FAT3: variants seen among roughly 807,000 people sequenced by gnomAD.
FAT3 encodes the protein protocadherin Fat 3.
In FAT3, 95 loss-of-function variants were observed where a neutral mutation model predicts 310.2. The ratio of observed to expected loss-of-function variants is 0.31; its 90% CI spans 0.26 to 0.36. The LOEUF is 0.36. Ranked by LOEUF, FAT3 falls within the 10% of genes least tolerant of loss-of-function variation. FAT3 has a pLI of 1.00. For synonymous variants in FAT3, 2,314 were observed against 2,192.9 expected (o/e 1.06, Z -1.54); for missense variants, 5,408 against 5,715.6 (o/e 0.95, Z 1.74).
chr11:92,847,353 A>G (rs1486407243), intron 19 of FAT3, among the ~76,000 whole-genome samples: 4 of 152,224 alleles, frequency 2.6e-5, no homozygotes, highest in Admixed American at 6.5e-5. Context: ...TAGGAGCCAT[A>G]GGCTGTACCA....
At chr11:92,439,313 C>T (rs1413026457) in intron 2 of FAT3, among the ~76,000 whole-genome samples, 1 of 152,088 alleles carries the variant, frequency 6.6e-6, no homozygotes, top group Non-Finnish European at 1.5e-5. Context: ...CTCTCATATG[C>T]CATGTCTTAT....
At chr11:92,568,142 A>G (rs531239593) in intron 3 of FAT3, among the ~76,000 whole-genome samples, 47 of 152,314 alleles carry the variant, frequency 3.1e-4, no homozygotes, top group African/African-American at 1.1e-3. Flanking sequence ...GAATATACCA[A>G]GGAACAAATC....
chr11:92,428,502 T>C (rs1397890794), intron 2 of FAT3, among the ~76,000 whole-genome samples: 1 of 152,192 alleles, frequency 6.6e-6, no homozygotes, highest in Non-Finnish European at 1.5e-5. Flanking sequence ...TCTTCTGCAC[T>C]TTCTCCTGTG....
intron 1 of FAT3, among the ~76,000 whole-genome samples, chr11:92,284,761 G>A (rs967755194): frequency 2.6e-5 from 4 of 152,088 alleles, no homozygotes; most frequent in South Asian, 2.1e-4. Flanking sequence ...CATAGTGCCC[G>A]GGGAATGCTG....
chr11:92,352,002 T>A, intron 1 of FAT3, 94 bp from the exon 2 acceptor site: 1 of 835,750 alleles, frequency 1.2e-6, no homozygotes. Flanking sequence ...TGATAAAGTT[T>A]TAAAAAGCAT....
intron 3 of FAT3, among the ~76,000 whole-genome samples, chr11:92,653,419 G>A (rs507429): frequency 0.57 from 87,191 of 151,758 alleles, 26,771 homozygotes; most frequent in African/African-American, 0.8. Flanking sequence ...TCAGAATATT[G>A]CTCGAAGCTG....
At chr11:92,794,337 A>G (rs1010005087) in intron 9 of FAT3, among the ~76,000 whole-genome samples, 6 of 152,120 alleles carry the variant, frequency 3.9e-5, no homozygotes, top group African/African-American at 1.2e-4. Flanking sequence ...GTTTTTTCCA[A>G]TGTTGTGTTT....
chr11:92,745,936 T>C (rs1945651789), intron 4 of FAT3, among the ~76,000 whole-genome samples: 1 of 152,162 alleles, frequency 6.6e-6, no homozygotes, highest in Non-Finnish European at 1.5e-5. Flanking sequence ...AAAGGGTGGA[T>C]TATGAGCTGA....
At chr11:92,749,319 CACAT>C (rs1945762473) in intron 4 of FAT3, among the ~76,000 whole-genome samples, 1 of 152,126 alleles carries the variant, frequency 6.6e-6, no homozygotes, top group South Asian at 2.1e-4. Flanking sequence ...TACACACACA[CACAT>C]ACACACACAC....
At chr11:92,573,840 G>GA (rs778480252) in intron 3 of FAT3, among the ~76,000 whole-genome samples, 81 of 151,820 alleles carry the variant, frequency 5.3e-4, no homozygotes, top group South Asian at 4.2e-4. Flanking sequence ...AGAACTGTGA[G>GA]AAAAAAAATG....
chr11:92,527,757 A>G (rs910498925), intron 3 of FAT3, among the ~76,000 whole-genome samples: 5 of 151,988 alleles, frequency 3.3e-5, no homozygotes, highest in African/African-American at 1.2e-4. Flanking sequence ...ATTTGTCTGA[A>G]ATAGTTACAT....
chr11:92,765,194 C>A, intron 6 of FAT3, 105 bp downstream of exon 6: 1 of 994,492 alleles, frequency 1.0e-6, no homozygotes, highest in Non-Finnish European at 1.4e-6. Flanking sequence ...CAATTAGTGC[C>A]AAGATTAAAA....
chr11:92,355,418 T>A lies in FAT3; in HGVS notation c.3292+14T>A. On this transcript the variant is annotated intron_variant, in intron 2 of 27. Transcript: ENST00000525166. The stretch of plus-strand genomic sequence containing the variant: ...ACGACGAGAGTGGTAAGTGTAATAT[T>A]TTGTGCCAAGAGTGTTGTTTCACCT... 1 of 1,592,268 alleles carries A rather than the reference T, an allele frequency of 6.3e-7. No homozygotes were observed. The highest frequency in any genetic ancestry group is 8.6e-7 in the Non-Finnish European group (1 of 1,165,564).
intron 2 of FAT3, among the ~76,000 whole-genome samples, chr11:92,408,421 A>G (rs1221417059): frequency 6.6e-6 from 1 of 152,168 alleles, no homozygotes; most frequent in South Asian, 2.1e-4. Context: ...TTCTCAACTC[A>G]GCTTCTTGAC....
At chr11:92,242,301 C>T (rs1443332037) in intron 1 of FAT3, among the ~76,000 whole-genome samples, 3 of 152,064 alleles carry the variant, frequency 2.0e-5, no homozygotes, top group African/African-American at 4.8e-5. Context: ...GGGACTCAGA[C>T]ATCTGATAAA....
At chr11:92,225,530 G>C (rs551117300) in intron 1 of FAT3, among the ~76,000 whole-genome samples, 3 of 152,244 alleles carry the variant, frequency 2.0e-5, no homozygotes, top group South Asian at 4.2e-4. Flanking sequence ...CGCCCCTGCA[G>C]GTGGATGAGA....
intron 1 of FAT3, among the ~76,000 whole-genome samples, chr11:92,322,187 G>C (rs1947637422): frequency 6.6e-6 from 1 of 152,072 alleles, no homozygotes; most frequent in Admixed American, 6.6e-5. Flanking sequence ...TAGAAATAAA[G>C]CAAATCATGC....
At chr11:92,287,358 G>A (rs957022562) in intron 1 of FAT3, among the ~76,000 whole-genome samples, 2 of 152,126 alleles carry the variant, frequency 1.3e-5, no homozygotes, top group Non-Finnish European at 2.9e-5. Context: ...ACATACTTAG[G>A]TGGTTTGGAG....
chr11:92,494,586 T>C (rs534687227), intron 2 of FAT3, among the ~76,000 whole-genome samples: 1 of 152,156 alleles, frequency 6.6e-6, no homozygotes, highest in South Asian at 2.1e-4. Context: ...TAATTTTTAA[T>C]AACTGTAGCA....
Sources: gnomAD v4.1 joint callset for allele counts (sites outside exome capture counted in the v4.1 genomes callset) on GRCh38, gnomAD v4.1.1 for gene constraint, MANE v1.5 for transcripts, NCBI Gene and HGNC (gene_info 2026-07-23, HGNC 2026-07-21) for gene names.